Variants in GRIN2A observed in about 807,000 individuals in gnomAD.
GRIN2A encodes glutamate receptor ionotropic, NMDA 2A.
Under a neutral mutation model 113.4 loss-of-function variants are expected in GRIN2A, and 22 were observed. That is an observed-to-expected ratio of 0.19 (90% CI 0.14 to 0.28). The LOEUF (loss-of-function observed/expected upper bound fraction) is 0.28, where lower values mean the gene tolerates loss of function less well. Ranked by LOEUF, GRIN2A falls within the 10% of genes least tolerant of loss-of-function variation. GRIN2A has a pLI of 1.00. For missense variants in GRIN2A, 1,502 were observed against 1,887.0 expected, an observed-to-expected ratio of 0.80 and a Z score of 3.78; for synonymous variants, 827 against 738.4, an observed-to-expected ratio of 1.12 and a Z score of -1.94.
At chr16:9,849,476 G>C (rs1040291297) in intron 5 of GRIN2A, among the ~76,000 whole-genome samples, 1 of 151,816 alleles carries the variant, frequency 6.6e-6, no homozygotes, top group Non-Finnish European at 1.5e-5. Context: ...AGATGGCTTT[G>C]AACATGTTTC....
rs748790515 is a variant in GRIN2A, at chr16:9,764,352, C to T, written c.3192G>A (p.Thr1064=). The change falls in exon 13 of 13, where the codon ACG becomes ACA. Residue 1064 remains threonine, a synonymous_variant. Transcript: ENST00000330684. ...EEMAHSDISE[T]SNRATCHREP... ...CCCTGTGGCACGTGGCCCGATTTGA[C>T]GTTTCTGAAATGTCAGAGTGGGCCA... 7.4e-6 allele frequency: 12 copies of T among 1,614,088 alleles called. No homozygotes were observed. Among genetic ancestry groups the T allele is most frequent in the Middle Eastern group, 1.6e-4 (1 of 6,062 alleles).
At chr16:10,039,791 GGGGA>G (rs2047111553) in intron 2 of GRIN2A, among the ~76,000 whole-genome samples, 3 of 102,626 alleles carry the variant, frequency 2.9e-5, no homozygotes, top group Non-Finnish European at 5.9e-5. Context: ...GGAGGGGGAG[GGGGA>G]GGGGGAGGGG....
intron 4 of GRIN2A, among the ~76,000 whole-genome samples, chr16:9,876,013 A>G (rs2043358205): frequency 6.6e-6 from 1 of 152,126 alleles, no homozygotes; most frequent in Non-Finnish European, 1.5e-5. Flanking sequence ...CATAATGTAA[A>G]AGAGTCTTGG....
chr16:10,111,071 G>C (rs1353996414), intron 2 of GRIN2A, among the ~76,000 whole-genome samples: 1 of 152,202 alleles, frequency 6.6e-6, no homozygotes, highest in Non-Finnish European at 1.5e-5. Context: ...GCTCTTAAAA[G>C]AACTGATTGA....
At chr16:9,898,540 TCTTA>T (rs1380041317) in intron 3 of GRIN2A, among the ~76,000 whole-genome samples, 26 of 152,336 alleles carry the variant, frequency 1.7e-4, no homozygotes, top group African/African-American at 4.6e-4. Context: ...ACTTTAATTC[TCTTA>T]CTGTTTCACA....
chr16:10,103,017 C>T (rs147821196), intron 2 of GRIN2A, among the ~76,000 whole-genome samples: 16 of 152,158 alleles, frequency 1.1e-4, no homozygotes, highest in Middle Eastern at 6.8e-3. Flanking sequence ...GGCACTGGGA[C>T]GAAAAGAATG....
rs144488106 is a variant in GRIN2A, at chr16:9,811,596, C to G, written c.2168+10668G>C. 1.1e-3 allele frequency among the ~76,000 whole-genome samples: 160 copies of G among 152,224 alleles called. 1 individual carries two copies. The highest frequency in any genetic ancestry group is 3.6e-3 in the African/African-American group (150 of 41,550). On this transcript the variant is annotated intron_variant, in intron 10 of 12. Transcript: ENST00000330684. ...ACAACGTGGCAAAACCCTGTCTCTACTAAAAGTGCAAAAATTAGCCAGACA... is the reference window on the plus strand; with the variant it reads ...ACAACGTGGCAAAACCCTGTCTCTAGTAAAAGTGCAAAAATTAGCCAGACA...
At chr16:9,889,569 A>C (rs1035300042) in intron 4 of GRIN2A, among the ~76,000 whole-genome samples, 2 of 152,064 alleles carry the variant, frequency 1.3e-5, no homozygotes, top group Admixed American at 6.5e-5. Context: ...CTGAATTCAC[A>C]CTTTCCTTTT....
intron 11 of GRIN2A, among the ~76,000 whole-genome samples, chr16:9,789,482 G>A (rs1312187976): frequency 1.3e-5 from 2 of 152,050 alleles, no homozygotes; most frequent in Admixed American, 6.6e-5. Flanking sequence ...ATGTGGGAAC[G>A]CCTGAATTCC....
chr16:10,028,881 G>A (rs796358629), intron 2 of GRIN2A, among the ~76,000 whole-genome samples: 1 of 152,160 alleles, frequency 6.6e-6, no homozygotes, highest in Admixed American at 6.5e-5. Context: ...ACAAACAAGG[G>A]CCCAAATTGG....
At chr16:9,971,113 G>A (rs2045661395) in intron 2 of GRIN2A, among the ~76,000 whole-genome samples, 1 of 152,152 alleles carries the variant, frequency 6.6e-6, no homozygotes, top group Non-Finnish European at 1.5e-5. Flanking sequence ...AGTATGAGGT[G>A]GGGTGAATTA....
chr16:10,165,401 G>A (rs1472300410), intron 2 of GRIN2A, among the ~76,000 whole-genome samples: 2 of 150,660 alleles, frequency 1.3e-5, no homozygotes, highest in Admixed American at 1.3e-4. Context: ...TCTTTATACT[G>A]CCCTGATTCT....
intron 2 of GRIN2A, among the ~76,000 whole-genome samples, chr16:10,022,980 G>C (rs141399260): frequency 2.0e-5 from 3 of 152,278 alleles, no homozygotes; most frequent in East Asian, 1.9e-4. Context: ...TCAGTTTGTA[G>C]ATTAACACAG....
intron 2 of GRIN2A, among the ~76,000 whole-genome samples, chr16:10,075,068 C>T (rs1480774251): frequency 3.3e-5 from 5 of 152,066 alleles, no homozygotes; most frequent in African/African-American, 9.7e-5. Flanking sequence ...GTGGTTCTGA[C>T]GCCAGGCCAC....
intron 11 of GRIN2A, among the ~76,000 whole-genome samples, chr16:9,796,733 G>A (rs1487139510): frequency 6.6e-6 from 1 of 152,152 alleles, no homozygotes; most frequent in African/African-American, 2.4e-5. Context: ...CCACTGATTC[G>A]TACGCTTGTG....
chr16:9,917,343 T>G (rs898812414), intron 3 of GRIN2A, among the ~76,000 whole-genome samples: 3 of 152,252 alleles, frequency 2.0e-5, no homozygotes, highest in African/African-American at 4.8e-5. Flanking sequence ...TCTGTTGTTT[T>G]CACTGGTGTA....
chr16:9,811,183 C>A (rs2042080048), intron 10 of GRIN2A, among the ~76,000 whole-genome samples: 2 of 152,178 alleles, frequency 1.3e-5, no homozygotes, highest in South Asian at 4.1e-4. Flanking sequence ...CATCTCCTAA[C>A]CCCACGACCT....
chr16:9,975,186 T>A (rs1347909065), intron 2 of GRIN2A, among the ~76,000 whole-genome samples: 1 of 152,138 alleles, frequency 6.6e-6, no homozygotes, highest in East Asian at 1.9e-4. Flanking sequence ...GTAAATACTC[T>A]AAAAATCCAT....
chr16:10,176,434 T>C (rs968017292), intron 2 of GRIN2A, among the ~76,000 whole-genome samples: 5 of 152,180 alleles, frequency 3.3e-5, no homozygotes, highest in South Asian at 4.1e-4. Flanking sequence ...TCAATTGTTA[T>C]AAGGCTTTGT....
Sources: gnomAD v4.1 joint callset for allele counts (sites outside exome capture counted in the v4.1 genomes callset) on GRCh38, gnomAD v4.1.1 for gene constraint, MANE v1.5 for transcripts, NCBI Gene and HGNC (gene_info 2026-07-23, HGNC 2026-07-21) for gene names.